COLEC10: variants seen among roughly 807,000 people sequenced by gnomAD.
The protein encoded by COLEC10 is collectin-10.
A neutral mutation model predicts 28.4 loss-of-function variants in COLEC10; 22 were observed. The ratio of observed to expected loss-of-function variants is 0.78; its 90% CI spans 0.55 to 1.11. The LOEUF (loss-of-function observed/expected upper bound fraction) is 1.11. Ranked by LOEUF, COLEC10 falls within the 50% of genes least tolerant of loss-of-function variation. The probability of loss-of-function intolerance (pLI) is 0.00; values close to 1 mark genes in which losing one functional copy is unlikely to be tolerated. For missense variants in COLEC10, 361 were observed against 344.1 expected (o/e 1.05, Z -0.39); for synonymous variants, 125 against 116.1 (o/e 1.08, Z -0.49).
chr8:119,088,833 A>C (rs1376091273), intron 1 of COLEC10, among the ~76,000 whole-genome samples: 1 of 152,216 alleles, frequency 6.6e-6, no homozygotes, highest in East Asian at 1.9e-4. Context: ...ATTGCTAAGC[A>C]CTGATTGTAT....
At chr8:118,961,354 T>C in the COLEC10 span, among the ~76,000 whole-genome samples, 2 of 152,228 alleles carry the variant, frequency 1.3e-5, no homozygotes, top group African/African-American at 4.8e-5. Flanking sequence ...CATTATTTAT[T>C]TGACAGTAAG....
chr8:119,087,926 GA>G (rs1443881297), intron 1 of COLEC10, among the ~76,000 whole-genome samples: 1 of 152,066 alleles, frequency 6.6e-6, no homozygotes, highest in African/African-American at 2.4e-5. Flanking sequence ...CCATCTCCTA[GA>G]ATTGCTATGA....
At chr8:119,068,841 C>T (rs1320010338) in intron 1 of COLEC10, 1 of 151,958 alleles carries the variant, frequency 6.6e-6, no homozygotes, top group African/African-American at 2.4e-5. Flanking sequence ...GGTTCTAGAA[C>T]TAAGTCTGTT....
intron 2 of COLEC10, among the ~76,000 whole-genome samples, chr8:119,045,983 C>T (rs567311930): frequency 3.7e-4 from 56 of 152,244 alleles, no homozygotes; most frequent in Admixed American, 3.9e-4. Flanking sequence ...TGAAAATTTA[C>T]GGTAGATTGA....
At chr8:118,980,894 G>A in the COLEC10 span, among the ~76,000 whole-genome samples, 1 of 151,942 alleles carries the variant, frequency 6.6e-6, no homozygotes, top group African/African-American at 2.4e-5. Flanking sequence ...TTTGTTTGCA[G>A]GGGGGTGGAT....
intron 1 of COLEC10, among the ~76,000 whole-genome samples, chr8:119,086,389 T>TG (rs1554628860): frequency 0.26 from 12,743 of 49,114 alleles, 569 homozygotes; most frequent in Middle Eastern, 0.41. Context: ...GGCGGGGAGG[T>TG]GGGGGGGGTC....
chr8:119,088,217 GAGAGAAAGAAAAAAGAA>G (rs1815520858), intron 1 of COLEC10, among the ~76,000 whole-genome samples: 1 of 151,230 alleles, frequency 6.6e-6, no homozygotes, highest in South Asian at 2.1e-4. Flanking sequence ...GGGAAAGAGA[GAGAGAAAGAAAAAAGAA>G]AGAGAAAGAA....
chr8:119,058,557 A>G (rs1192605630), intron 2 of COLEC10, among the ~76,000 whole-genome samples: 1 of 151,936 alleles, frequency 6.6e-6, no homozygotes, highest in African/African-American at 2.4e-5. Flanking sequence ...TTTATTTACC[A>G]TAATTTGGAG....
At chr8:118,989,676 C>T in the COLEC10 span, among the ~76,000 whole-genome samples, 1 of 151,190 alleles carries the variant, frequency 6.6e-6, no homozygotes, top group East Asian at 1.9e-4. Context: ...AAGATTATAT[C>T]AATGTGTTAG....
At chr8:119,037,862 A>T (rs1814417981) in intron 2 of COLEC10, among the ~76,000 whole-genome samples, 1 of 152,210 alleles carries the variant, frequency 6.6e-6, no homozygotes, top group Non-Finnish European at 1.5e-5. Flanking sequence ...AAAAGCAATA[A>T]TTCCATCTAA....
At chr8:119,076,467 T>G (rs930485736) in intron 1 of COLEC10, among the ~76,000 whole-genome samples, 4 of 152,078 alleles carry the variant, frequency 2.6e-5, no homozygotes, top group Non-Finnish European at 5.9e-5. Flanking sequence ...TTCACCATGT[T>G]GGCCAGGCTG....
chr8:119,079,451 C>G (rs1399015361), intron 1 of COLEC10, among the ~76,000 whole-genome samples: 2 of 152,164 alleles, frequency 1.3e-5, no homozygotes. Context: ...AAGCATGCCA[C>G]TTAGTCCTGA....
intron 2 of COLEC10, among the ~76,000 whole-genome samples, chr8:119,032,380 G>C (rs1288109660): frequency 2.6e-5 from 4 of 152,206 alleles, no homozygotes; most frequent in African/African-American, 9.7e-5. Context: ...TATGGTGACA[G>C]ATCCACACAG....
At chr8:119,001,210 G>A (rs1813693613) in intron 1 of COLEC10, among the ~76,000 whole-genome samples, 1 of 152,096 alleles carries the variant, frequency 6.6e-6, no homozygotes, top group African/African-American at 2.4e-5. Flanking sequence ...TTGAGAAAGC[G>A]ATAAGGAGTA....
rs371498653 is a variant in COLEC10, at chr8:119,102,304, T to G, written c.293-44T>G. Reference sequence around the variant, plus strand: ...TCCTTCCTTTTTTCCTTTCTTCTTTTATTTTAATTTTATTTTATTTTGGTT... The same window carrying G: ...TCCTTCCTTTTTTCCTTTCTTCTTTGATTTTAATTTTATTTTATTTTGGTT... On this transcript the variant is annotated intron_variant, in intron 3 of 5. Transcript: ENST00000332843. 295 of 1,373,596 alleles carry G rather than the reference T, an allele frequency of 2.1e-4. No individual in the cohort carries two copies. In the African/African-American group the frequency reaches 4.0e-3, roughly 19 times the overall value. 85.1% of individuals were successfully genotyped at this position (1,373,596 alleles called of 1,614,324 possible).
At chr8:119,093,255 T>C (rs1002373272) in intron 3 of COLEC10, among the ~76,000 whole-genome samples, 8 of 152,194 alleles carry the variant, frequency 5.3e-5, no homozygotes, top group Non-Finnish European at 8.8e-5. Flanking sequence ...CTGTGGCCTC[T>C]CTCTTCTCAT....
At chr8:118,989,436 A>G in the COLEC10 span, among the ~76,000 whole-genome samples, 2 of 151,950 alleles carry the variant, frequency 1.3e-5, no homozygotes, top group Non-Finnish European at 2.9e-5. Context: ...TGCAAAAACC[A>G]TGCTCAAGTG....
chr8:119,032,555 G>A (rs992471426), intron 2 of COLEC10, among the ~76,000 whole-genome samples: 6 of 152,164 alleles, frequency 3.9e-5, no homozygotes, highest in African/African-American at 2.4e-5. Context: ...CTCTTTACAA[G>A]AGGAGGAATG....
At chr8:119,040,240 A>C (rs1320338860) in intron 2 of COLEC10, among the ~76,000 whole-genome samples, 1 of 152,204 alleles carries the variant, frequency 6.6e-6, no homozygotes, top group East Asian at 1.9e-4. Flanking sequence ...AAAGGCAGTT[A>C]CCAACCACAA....
Sources: allele counts gnomAD v4.1 joint callset (sites outside exome capture counted in the v4.1 genomes callset), GRCh38; gene constraint gnomAD v4.1.1; transcripts MANE v1.5; gene names NCBI Gene and HGNC (gene_info 2026-07-23, HGNC 2026-07-21).